The following CSMD1 variants were observed in gnomAD, a reference collection of about 807,000 sequenced individuals.
The protein encoded by CSMD1 is CUB and sushi domain-containing protein 1.
CSMD1 carries 213 observed loss-of-function variants against 417.5 expected under a neutral mutation model. The ratio of observed to expected loss-of-function variants is 0.51; its 90% CI spans 0.46 to 0.57. The LOEUF is 0.57. CSMD1 is among the 20% of genes least tolerant of loss of function. CSMD1 has a pLI of 0.00. For missense variants in CSMD1, 6,923 were observed against 4,529.7 expected (o/e 1.53, Z -15.17); for synonymous variants, 2,862 against 1,736.8 (o/e 1.65, Z -16.11).
At chr8:4,514,521 G>C (rs1803010575) in intron 2 of CSMD1, among the ~76,000 whole-genome samples, 1 of 152,122 alleles carries the variant, frequency 6.6e-6, no homozygotes, top group Admixed American at 6.5e-5. Flanking sequence ...GGAACATCGT[G>C]AGTTAAAGAA....
chr8:4,231,822 GA>G (rs1801752001), intron 3 of CSMD1, among the ~76,000 whole-genome samples: 1 of 152,158 alleles, frequency 6.6e-6, no homozygotes, highest in Non-Finnish European at 1.5e-5. Context: ...GCCAGTATAG[GA>G]AAAGCACCCA....
intron 1 of CSMD1, among the ~76,000 whole-genome samples, chr8:4,855,700 G>A (rs1337766341): frequency 2.0e-5 from 3 of 151,990 alleles, no homozygotes; most frequent in Non-Finnish European, 4.4e-5. Context: ...GAAGCGAGAA[G>A]GGAAGTCTAG....
At chr8:3,342,779 T>A (rs1807743802) in intron 23 of CSMD1, among the ~76,000 whole-genome samples, 1 of 152,188 alleles carries the variant, frequency 6.6e-6, no homozygotes, top group African/African-American at 2.4e-5. Flanking sequence ...AGTATTCCTC[T>A]TAGTTCTCTC....
chr8:4,128,270 T>A (rs1802884759), intron 3 of CSMD1, among the ~76,000 whole-genome samples: 2 of 152,072 alleles, frequency 1.3e-5, no homozygotes, highest in African/African-American at 4.8e-5. Context: ...GAGGAATGCA[T>A]GAGTAAGAAT....
intron 3 of CSMD1, among the ~76,000 whole-genome samples, chr8:4,351,766 G>A (rs1283594892): frequency 2.0e-5 from 3 of 152,086 alleles, no homozygotes; most frequent in Admixed American, 2.0e-4. Context: ...GAGAAGATGT[G>A]AAATTGCCAC....
rs192847608 is a variant in CSMD1, at chr8:4,399,217, A to G, written c.415+20736T>C. Among the ~76,000 whole-genome samples the G allele has an allele frequency of 2.8e-3, 434 of 152,346 alleles. 15 individuals are homozygous for G. Among genetic ancestry groups the G allele is most frequent in the Admixed American group, 0.027 (417 of 15,306 alleles). ...CCTGGAATTTACTATGTGTTTAAAT[A>G]TATGACAAACCGTATTTCCCCTTGT... On this transcript the variant is annotated intron_variant, in intron 3 of 69. Transcript: ENST00000635120.
intron 5 of CSMD1, among the ~76,000 whole-genome samples, chr8:3,774,401 C>A (rs1798790000): frequency 6.6e-6 from 1 of 152,270 alleles, no homozygotes; most frequent in Non-Finnish European, 1.5e-5. Context: ...ACAAGTTTTT[C>A]AAAGATGCCG....
intron 50 of CSMD1, among the ~76,000 whole-genome samples, chr8:3,037,372 A>AT (rs370080297): frequency 0.048 from 6,649 of 139,312 alleles, 372 homozygotes; most frequent in Middle Eastern, 0.075. Flanking sequence ...AGCCCAGCTA[A>AT]TTTTTTTTTG....
intron 3 of CSMD1, among the ~76,000 whole-genome samples, chr8:4,200,328 T>G (rs1483282043): frequency 1.3e-5 from 2 of 152,188 alleles, no homozygotes; most frequent in Non-Finnish European, 2.9e-5. Flanking sequence ...AGATATGGTA[T>G]GCTGTGTTTA....
intron 2 of CSMD1, among the ~76,000 whole-genome samples, chr8:4,543,512 G>T (rs1018963355): frequency 6.6e-6 from 1 of 151,800 alleles, no homozygotes; most frequent in Non-Finnish European, 1.5e-5. Context: ...TATCTGTATG[G>T]ACCACAGTTT....
intron 3 of CSMD1, among the ~76,000 whole-genome samples, chr8:4,111,981 T>C (rs1296827165): frequency 4.0e-5 from 6 of 151,624 alleles, no homozygotes; most frequent in African/African-American, 9.7e-5. Context: ...TAGTTTTTTA[T>C]TGTATTATTT....
chr8:4,568,908 A>T (rs1214969184), intron 2 of CSMD1, among the ~76,000 whole-genome samples: 1 of 152,192 alleles, frequency 6.6e-6, no homozygotes, highest in Non-Finnish European at 1.5e-5. Context: ...TTTTGGCAGC[A>T]TAAATGTCTT....
At chr8:3,104,655 C>T (rs1321900076) in intron 46 of CSMD1, among the ~76,000 whole-genome samples, 1 of 151,880 alleles carries the variant, frequency 6.6e-6, no homozygotes. Context: ...GCCTGGAATC[C>T]TGCCTCATTC....
At chr8:3,118,618 TA>T (rs1346841500) in intron 41 of CSMD1, 31 bp from the exon 42 acceptor site, 1 of 1,595,230 alleles carries the variant, frequency 6.3e-7, no homozygotes, top group Non-Finnish European at 8.6e-7. Context: ...AAATAAAGCT[TA>T]TATTTGTGAG....
chr8:3,158,694 T>C (rs2129038854), intron 38 of CSMD1, among the ~76,000 whole-genome samples: 1 of 152,112 alleles, frequency 6.6e-6, no homozygotes, highest in South Asian at 2.1e-4. Flanking sequence ...TGCTAACATC[T>C]CTTTCTCAGT....
intron 6 of CSMD1, among the ~76,000 whole-genome samples, chr8:3,735,042 G>C (rs991963626): frequency 6.6e-6 from 1 of 152,180 alleles, no homozygotes; most frequent in African/African-American, 2.4e-5. Flanking sequence ...AAACAAAATA[G>C]GTGATATGAA....
At chr8:4,961,946 G>C (rs1809519073) in intron 1 of CSMD1, among the ~76,000 whole-genome samples, 1 of 151,152 alleles carries the variant, frequency 6.6e-6, no homozygotes, top group South Asian at 2.1e-4. Flanking sequence ...ATTTGTTATT[G>C]TCTGCAGATA....
intron 1 of CSMD1, among the ~76,000 whole-genome samples, chr8:4,832,043 C>T (rs549509419): frequency 5.3e-5 from 8 of 152,330 alleles, no homozygotes; most frequent in South Asian, 2.1e-4. Flanking sequence ...CCACATGTTA[C>T]CTTACAATCA....
In CSMD1 at chr8:4,386,357, A is replaced by C. The variant is rs148892599; in HGVS notation, c.415+33596T>G. Among the ~76,000 whole-genome samples the C allele has an allele frequency of 7.3e-3, 1,113 of 151,876 alleles. 27 individuals carry two copies. In the South Asian group the frequency reaches 0.09, roughly 12 times the overall value. ...CTCGGTTATGACTTCCATCCCACTC[A>C]AACAATATACACTATCAGACATTCT... On this transcript the variant is annotated intron_variant, in intron 3 of 69. Coordinates refer to ENST00000635120, the MANE Select transcript of CSMD1 (RefSeq NM_033225.6).
Sources: allele counts gnomAD v4.1 joint callset (sites outside exome capture counted in the v4.1 genomes callset), GRCh38; gene constraint gnomAD v4.1.1; transcripts MANE v1.5; gene names NCBI Gene and HGNC (gene_info 2026-07-23, HGNC 2026-07-21).